Variants in SLC20A2 observed in about 807,000 individuals in gnomAD.
The protein encoded by SLC20A2 is sodium-dependent phosphate transporter 2.
Under a neutral mutation model 61.0 loss-of-function variants are expected in SLC20A2, and 30 were observed. That is an observed-to-expected ratio of 0.49 (90% CI 0.37 to 0.67). SLC20A2 has a LOEUF of 0.67. SLC20A2 is among the 30% of genes least tolerant of loss of function. The probability of loss-of-function intolerance (pLI) is 0.00; values close to 1 mark genes in which losing one functional copy is unlikely to be tolerated. For missense variants in SLC20A2, 626 were observed against 866.4 expected (o/e 0.72, Z 3.48); for synonymous variants, 351 against 353.3 (o/e 0.99, Z 0.07).
At chr8:42,496,919 T>C (rs1395969162) in intron 1 of SLC20A2, among the ~76,000 whole-genome samples, 1 of 152,194 alleles carries the variant, frequency 6.6e-6, no homozygotes, top group African/African-American at 2.4e-5. Context: ...CCATATGGGC[T>C]ACACGCTACC....
chr8:42,498,842 G>A (rs143052725), intron 1 of SLC20A2, among the ~76,000 whole-genome samples: 1 of 152,226 alleles, frequency 6.6e-6, no homozygotes, highest in Non-Finnish European at 1.5e-5. Context: ...GTTACATAGC[G>A]CAGTTCCCAT....
chr8:42,439,200 C>T lies in SLC20A2; in HGVS notation c.934+250G>A, dbSNP rs112762152. ...GTGGGTGCAGCACAGACATACAGTG[C>T]GTGGCCCCAGTGCCTCCGGTTAGAC... On this transcript the variant is annotated intron_variant, in intron 7 of 10. Coordinates refer to ENST00000520262, the MANE Select transcript of SLC20A2 (RefSeq NM_001257180.2). Among the ~76,000 whole-genome samples the T allele has an allele frequency of 1.9e-3, 297 of 152,316 alleles. 2 individuals carry two copies. The highest frequency in any genetic ancestry group is 6.6e-3 in the African/African-American group (273 of 41,572).
At chr8:42,494,673 A>G (rs1809780549) in intron 1 of SLC20A2, among the ~76,000 whole-genome samples, 2 of 152,226 alleles carry the variant, frequency 1.3e-5, no homozygotes, top group Admixed American at 1.3e-4. Context: ...AATACAATAA[A>G]TTATTTAATC....
intron 1 of SLC20A2, among the ~76,000 whole-genome samples, chr8:42,507,096 A>G (rs1288262014): frequency 6.6e-6 from 1 of 152,240 alleles, no homozygotes; most frequent in East Asian, 1.9e-4. Context: ...CTGACTGCAA[A>G]GTCCAGCCAG....
chr8:42,448,448 C>A (rs1382055686), intron 5 of SLC20A2, among the ~76,000 whole-genome samples: 3 of 152,202 alleles, frequency 2.0e-5, no homozygotes, highest in Non-Finnish European at 2.9e-5. Flanking sequence ...CCACGCCAGG[C>A]TCCCAGCAGG....
chr8:42,430,123 G>A lies in SLC20A2; in HGVS notation c.1650C>T (p.Val550=). 6.2e-7 allele frequency: 1 copy of A among 1,613,898 alleles called. No homozygotes were observed. Among genetic ancestry groups the A allele is most frequent in the Non-Finnish European group, 8.5e-7 (1 of 1,179,928 alleles). Residue 550 remains valine (V), a synonymous_variant, in exon 9 of 11, where the codon GTC becomes GTT. Coordinates refer to ENST00000520262, the MANE Select transcript of SLC20A2 (RefSeq NM_001257180.2). ...TGGTCTGGATCACTCTTCTCCCCCA[G>A]ACCCAGAGGCCTGTGCAGATTCCAA... ...GGVGICTGLW[V]WGRRVIQTMG...
chr8:42,524,786 C>CAAATAAATAAAT (rs138387549), intron 1 of SLC20A2, among the ~76,000 whole-genome samples: 27 of 147,740 alleles, frequency 1.8e-4, no homozygotes, highest in East Asian at 5.9e-4. Context: ...AACTCCATCT[C>CAAATAAATAAAT]AAATAAATAA....
intron 1 of SLC20A2, chr8:42,535,143 T>C (rs1812622801): frequency 6.6e-6 from 1 of 152,214 alleles, no homozygotes; most frequent in Non-Finnish European, 1.5e-5. Flanking sequence ...AATATCTTCA[T>C]GAGTCATTTG....
At chr8:42,459,658 T>C (rs758523095) in intron 5 of SLC20A2, among the ~76,000 whole-genome samples, 3 of 152,206 alleles carry the variant, frequency 2.0e-5, no homozygotes, top group Non-Finnish European at 4.4e-5. Context: ...GCCTTTGTAC[T>C]CTACATATCT....
chr8:42,515,333 G>C (rs1354431907), intron 1 of SLC20A2, among the ~76,000 whole-genome samples: 2 of 152,044 alleles, frequency 1.3e-5, no homozygotes, highest in African/African-American at 4.8e-5. Flanking sequence ...AGCAAGGTGG[G>C]GTGGGGATAT....
At chr8:42,493,175 G>T (rs959727240) in intron 1 of SLC20A2, among the ~76,000 whole-genome samples, 3 of 152,300 alleles carry the variant, frequency 2.0e-5, no homozygotes, top group Middle Eastern at 3.4e-3. Flanking sequence ...AGGTGGAAAG[G>T]GGGGCCTGCT....
chr8:42,497,294 T>C (rs996945519), intron 1 of SLC20A2, among the ~76,000 whole-genome samples: 6 of 152,202 alleles, frequency 3.9e-5, no homozygotes, highest in African/African-American at 1.4e-4. Flanking sequence ...AGATTGCCCA[T>C]TTTATAATAC....
chr8:42,526,057 G>A (rs571734276), intron 1 of SLC20A2, among the ~76,000 whole-genome samples: 8 of 152,192 alleles, frequency 5.3e-5, no homozygotes, highest in Non-Finnish European at 1.2e-4. Context: ...CTCCTGAAGC[G>A]TGGGCTGCCT....
chr8:42,532,763 C>T (rs186522968), intron 1 of SLC20A2, among the ~76,000 whole-genome samples: 174 of 152,102 alleles, frequency 1.1e-3, no homozygotes, highest in Non-Finnish European at 1.8e-3. Flanking sequence ...CACGGGAGAC[C>T]AAGGCGGTGG....
chr8:42,447,220 C>G (rs2131068599), intron 5 of SLC20A2, among the ~76,000 whole-genome samples: 1 of 152,070 alleles, frequency 6.6e-6, no homozygotes, highest in East Asian at 1.9e-4. Flanking sequence ...GTGGTGCACG[C>G]CTGTAGTCCC....
At chr8:42,512,998 G>A (rs1811114165) in intron 1 of SLC20A2, among the ~76,000 whole-genome samples, 1 of 152,172 alleles carries the variant, frequency 6.6e-6, no homozygotes, top group Admixed American at 6.5e-5. Context: ...ATCCAACAGA[G>A]TATCTCTGAG....
chr8:42,444,803 T>A, intron 5 of SLC20A2, 41 bp from the exon 6 acceptor site: 2 of 1,510,732 alleles, frequency 1.3e-6, no homozygotes, highest in Non-Finnish European at 1.8e-6. Context: ...ACTGGAAACT[T>A]CTGCAAGGTC....
At chr8:42,518,331 A>T (rs1399921321) in intron 1 of SLC20A2, among the ~76,000 whole-genome samples, 3 of 152,196 alleles carry the variant, frequency 2.0e-5, no homozygotes, top group African/African-American at 7.2e-5. Context: ...ATAAAGCCAT[A>T]CCAAATGGCT....
intron 3 of SLC20A2, 148 bp from the exon 4 acceptor site, chr8:42,463,238 C>A (rs772264342): frequency 3.9e-5 from 21 of 541,460 alleles, no homozygotes; most frequent in Admixed American, 7.2e-5. Context: ...ACCTAACAAG[C>A]CCTGTGACTT....
Sources: gnomAD v4.1 joint callset for allele counts (sites outside exome capture counted in the v4.1 genomes callset) on GRCh38, gnomAD v4.1.1 for gene constraint, MANE v1.5 for transcripts, NCBI Gene and HGNC (gene_info 2026-07-23, HGNC 2026-07-21) for gene names.